CYTH2: variants seen among roughly 807,000 people sequenced by gnomAD.
The protein encoded by CYTH2 is cytohesin-2.
A neutral mutation model predicts 55.4 loss-of-function variants in CYTH2; 24 were observed. That is an observed-to-expected ratio of 0.43 (90% CI 0.31 to 0.61). The LOEUF is 0.61. Ranked by LOEUF, CYTH2 falls within the 20% of genes least tolerant of loss-of-function variation. The pLI is 0.08. For missense variants in CYTH2, 378 were observed against 533.5 expected (o/e 0.71, Z 2.87); for synonymous variants, 221 against 209.6 (o/e 1.05, Z -0.47).
chr19:48,474,835 C>T lies in CYTH2; in HGVS notation c.697-3C>T. The T allele has an allele frequency of 6.2e-7, 1 of 1,614,138 alleles. No homozygotes were observed. The highest frequency in any genetic ancestry group is 8.5e-7 in the Non-Finnish European group (1 of 1,179,990). On this transcript the variant is annotated splice_polypyrimidine_tract_variant and splice_region_variant and intron_variant, in intron 7 of 11. Coordinates refer to ENST00000452733, the MANE Select transcript of CYTH2 (RefSeq NM_004228.7). The surrounding 1 kb of genome is among the most constrained non-coding windows in gnomAD (Gnocchi z 4.9). ...AATGGCTAATGCAGCCTTTACTCCT[C>T]AGAACCTGTACGACAGCATCCGAAA... is the stretch of plus-strand genomic sequence containing the variant.
chr19:48,475,075 C>A, intron 8 of CYTH2, 126 bp downstream of exon 8: 1 of 789,550 alleles, frequency 1.3e-6, no homozygotes, highest in Non-Finnish European at 2.0e-6. Context: ...CTCTGAACCT[C>A]AGTTTTCCAC....
rs2147501806 is a variant in CYTH2 at position 48,470,251 on chromosome 19, G to T, written c.20-102G>T. Reference sequence around the variant, plus strand: ...CCATTCTTCTGTGCAGACATAGGAAGCCCCTTACACATCCTCTCCCAGCTC... The same window carrying T: ...CCATTCTTCTGTGCAGACATAGGAATCCCCTTACACATCCTCTCCCAGCTC... On this transcript the variant is annotated intron_variant, in intron 1 of 11. Transcript: ENST00000452733. The T allele has an allele frequency of 2.7e-6, 4 of 1,473,484 alleles. No homozygotes were observed. The East Asian group carries it at 6.8e-5, about 25-fold the overall frequency. 91.3% of individuals were successfully genotyped at this position (1,473,484 alleles called of 1,614,324 possible).
chr19:48,475,265 G>GATC, intron 8 of CYTH2: 9 of 322,858 alleles, frequency 2.8e-5, no homozygotes, highest in South Asian at 8.9e-5. Flanking sequence ...TGGGAGAAGA[G>GATC]TTCACTCAGG....
At chr19:48,476,052 C>CT (rs750105882) in intron 8 of CYTH2, 19 of 518,562 alleles carry the variant, frequency 3.7e-5, no homozygotes, top group Admixed American at 5.8e-5. Flanking sequence ...GCTTTGGCCT[C>CT]TGAGTCTTGG....
chr19:48,481,281 AGG>A lies in CYTH2; in HGVS notation c.*2073_*2074del, dbSNP rs555980098. 4.0e-4 allele frequency: 62 copies of A among 153,270 alleles called. No individual in the cohort carries two copies. The South Asian group carries it at 0.012, about 29-fold the overall frequency. The allele number at this position is 153,270 out of a possible 1,614,324, so 9.5% of individuals were successfully genotyped here. ...CGGTGCCATGACTGAGGTGGTCGAAAGGGAGTATTTAAGGGGAAATCAGGCAT... is the reference window on the plus strand; with the variant it reads ...CGGTGCCATGACTGAGGTGGTCGAAAGAGTATTTAAGGGGAAATCAGGCAT... On this transcript the variant is annotated 3_prime_UTR_variant, in exon 12 of 12. Transcript: ENST00000452733.
At chr19:48,470,909 T>G (rs1971780008) in intron 3 of CYTH2, among the ~76,000 whole-genome samples, 1 of 152,072 alleles carries the variant, frequency 6.6e-6, no homozygotes, top group African/African-American at 2.4e-5. Flanking sequence ...CACTTTCTAC[T>G]TGTATGGGCG....
rs1169182923 is a variant in CYTH2, at chr19:48,469,436, C to T, written c.-72C>T. The T allele has an allele frequency of 7.6e-7, 1 of 1,308,550 alleles. No individual in the cohort carries two copies. 81.1% of individuals were successfully genotyped at this position (1,308,550 alleles called of 1,614,324 possible). On this transcript the variant is annotated 5_prime_UTR_variant, in exon 1 of 12. Coordinates refer to ENST00000452733, the MANE Select transcript of CYTH2 (RefSeq NM_004228.7). ...GGCGTTTGAGCGGGCTCACCCGAGC[C>T]CGCGGGCCAACGCGGATCCAGGCCC...
Position 48,478,107 on chromosome 19 carries a change from C to G in CYTH2, c.847C>G (p.Leu283Val). 6.2e-7 allele frequency: 1 copy of G among 1,614,170 alleles called. No homozygotes were observed. Among genetic ancestry groups the G allele is most frequent in the South Asian group, 1.1e-5 (1 of 91,082 alleles). Reference protein sequence around the residue: ...VKTWKRRWFILTDNCLYYFEY... With the variant: ...VKTWKRRWFIVTDNCLYYFEY... Reference sequence around the variant, plus strand: ...GACGTGGAAGCGGCGCTGGTTTATCCTCACAGACAACTGCCTCTACTACTT... The same window carrying G: ...GACGTGGAAGCGGCGCTGGTTTATCGTCACAGACAACTGCCTCTACTACTT... Residue 283 changes from leucine (L) to valine (V), a missense_variant, in exon 9 of 12, where the codon CTC becomes GTC. Physicochemically the swap from Leu to Val is conservative, Grantham distance 32. Coordinates refer to ENST00000452733, the MANE Select transcript of CYTH2 (RefSeq NM_004228.7).
Position 48,472,399 on chromosome 19 carries a change from C to G in CYTH2, c.309C>G (p.Gly103=), listed in dbSNP as rs535145421. ...AGATCGCCCGCTTCCTGTACAAGGG[C>G]GAGGGGCTGAACAAGACAGCCATCG... ...PEEIARFLYK[G]EGLNKTAIGD... Residue 103 remains glycine, a synonymous_variant, in exon 4 of 12, where the codon GGC becomes GGG. Transcript: ENST00000452733. The G allele has an allele frequency of 4.3e-6, 7 of 1,613,886 alleles. No homozygotes were observed. The Admixed American group carries it at 5.0e-5, about 12-fold the overall frequency.
At chr19:48,477,696 C>T (rs373940181) in intron 8 of CYTH2, 73 of 243,280 alleles carry the variant, frequency 3.0e-4, no homozygotes, top group South Asian at 1.9e-3. Flanking sequence ...GTCCTGCCTG[C>T]TTTCTCGCTG....
Position 48,473,912 on chromosome 19 carries a change from C to A in CYTH2, c.442C>A (p.Leu148Ile). 1 of 1,608,166 alleles carries A rather than the reference C, an allele frequency of 6.2e-7. No homozygotes were observed. Residue 148 changes from leucine to isoleucine, a missense_variant, in exon 6 of 12, where the codon CTA becomes ATA. By Grantham distance (5) the Leu-to-Ile change is conservative. Coordinates refer to ENST00000452733, the MANE Select transcript of CYTH2 (RefSeq NM_004228.7). Reference protein sequence around the residue: ...LNLVQALRQFLWSFRLPGEAQ... With the variant: ...LNLVQALRQFIWSFRLPGEAQ... The stretch of plus-strand genomic sequence containing the variant: ...GGCCCCTCCCCAACCCAGGCAGTTT[C>A]TATGGAGCTTTCGCCTACCCGGAGA...
At chr19:48,478,026 C>T (rs200520884) in intron 8 of CYTH2, 43 bp from the exon 9 acceptor site, 3 of 1,529,488 alleles carry the variant, frequency 2.0e-6, no homozygotes, top group East Asian at 2.3e-5. Context: ...GAGGCCCTGT[C>T]CCCCTGTTGA....
At chr19:48,469,806 G>A (rs1363392833) in intron 1 of CYTH2, 3 of 613,244 alleles carry the variant, frequency 4.9e-6, no homozygotes, top group Non-Finnish European at 8.5e-6. Context: ...CCCGCTGGAG[G>A]GGCGGGCGAG....
rs779942921 is a variant in CYTH2, at chr19:48,478,542, G to C, written c.1062G>C (p.Arg354=). The change falls in exon 11 of 12, where the codon CGG becomes CGC. Residue 354 remains arginine, a synonymous_variant. Transcript: ENST00000452733. ...TGGAGGGAAACCACATGGTGTACCG[G>C]ATCTCGGCCCCCACGCAGGAGGAGA... ...RVVEGNHMVY[R]ISAPTQEEKD... 6.2e-7 allele frequency: 1 copy of C among 1,613,930 alleles called. No individual in the cohort carries two copies. Among genetic ancestry groups the C allele is most frequent in the Non-Finnish European group, 8.5e-7 (1 of 1,179,942 alleles).
At position 48,474,741 on chromosome 19, in the gene CYTH2, A is replaced by C; in HGVS notation, c.697-97A>C. 2.0e-6 allele frequency: 2 copies of C among 1,004,542 alleles called. No individual in the cohort carries two copies. The highest frequency in any genetic ancestry group is 3.1e-6 in the Non-Finnish European group (2 of 642,926). 62.2% of individuals were successfully genotyped at this position (1,004,542 alleles called of 1,614,324 possible). A position where few individuals can be genotyped will look rare whatever the true frequency, so the allele number is the denominator to read the frequency against. ...CCACTACCCCTCTCTCTTCCCCACT[A>C]TGAGTCATCCCATCCCTGGTCTCGC... On this transcript the variant is annotated intron_variant, in intron 7 of 11. Coordinates refer to ENST00000452733, the MANE Select transcript of CYTH2 (RefSeq NM_004228.7). The surrounding 1 kb of genome is among the most constrained non-coding windows in gnomAD (Gnocchi z 4.9).
intron 11 of CYTH2, among the ~76,000 whole-genome samples, 166 bp from the exon 12 acceptor site, chr19:48,478,957 C>T (rs530373077): frequency 1.1e-3 from 143 of 125,198 alleles, no homozygotes; most frequent in African/African-American, 4.3e-3. Context: ...GAGGAGGGGC[C>T]GGGGGCCTGG....
At position 48,469,399 on chromosome 19, in the gene CYTH2, G is replaced by A. The variant is rs1569086462; in HGVS notation, c.-109G>A. ...TGAGGACTGGCGCTGAGGAGGCGGC[G>A]GTGGCTCCCGGGGCGTTTGAGCGGG... On this transcript the variant is annotated 5_prime_UTR_variant, in exon 1 of 12. Coordinates refer to ENST00000452733, the MANE Select transcript of CYTH2 (RefSeq NM_004228.7). The A allele has an allele frequency of 8.9e-6, 11 of 1,230,194 alleles. No homozygotes were observed. Among genetic ancestry groups the A allele is most frequent in the Non-Finnish European group, 1.0e-5 (10 of 959,354 alleles). 76.2% of individuals were successfully genotyped at this position (1,230,194 alleles called of 1,614,324 possible).
Position 48,478,118 on chromosome 19 carries a change from C to T in CYTH2, c.858C>T (p.Asn286=), listed in dbSNP as rs759666933. ...WKRRWFILTD[N]CLYYFEYTTD... is the part of the protein sequence containing the mutation. ...GGCGCTGGTTTATCCTCACAGACAA[C>T]TGCCTCTACTACTTTGAGTACACCA... Residue 286 remains asparagine, a synonymous_variant, in exon 9 of 12, where the codon AAC becomes AAT. Transcript: ENST00000452733. 3.1e-6 allele frequency: 5 copies of T among 1,614,052 alleles called. No individual in the cohort carries two copies. The highest frequency in any genetic ancestry group is 4.2e-6 in the Non-Finnish European group (5 of 1,180,026).
At chr19:48,475,832 C>G (rs554170018) in intron 8 of CYTH2, 1 of 252,522 alleles carries the variant, frequency 4.0e-6, no homozygotes, top group South Asian at 3.1e-5. Context: ...GGCCTGGAGC[C>G]GTGCCTGGTA....
Sources: gnomAD v4.1 joint callset for allele counts (sites outside exome capture counted in the v4.1 genomes callset) on GRCh38, gnomAD v4.1.1 for gene constraint, Gnocchi (gnomAD v3.1) non-coding constraint, MANE v1.5 for transcripts, NCBI Gene and HGNC (gene_info 2026-07-23, HGNC 2026-07-21) for gene names.